The following LRRC40 variants were observed in gnomAD, a reference collection of about 807,000 sequenced individuals.
LRRC40 encodes leucine rich repeat containing 40.
Under a neutral mutation model 72.8 loss-of-function variants are expected in LRRC40, and 76 were observed. The ratio of observed to expected loss-of-function variants is 1.04; its 90% CI spans 0.87 to 1.26. The LOEUF is 1.26. LRRC40 is among the 50% of genes most tolerant of loss of function. LRRC40 has a pLI of 0.00. For missense variants in LRRC40, 684 were observed against 698.9 expected, an observed-to-expected ratio of 0.98 and a Z score of 0.24; for synonymous variants, 243 against 254.2, an observed-to-expected ratio of 0.96 and a Z score of 0.42.
In LRRC40 at chr1:70,148,132, A is replaced by G. The variant is rs541658497; in HGVS notation, c.1703+355T>C. Reference sequence around the variant, plus strand: ...AATAGAATGGTGGTAATCTGCAATCAATTTCAAAAAAAAAAAAAAAAAAAA... The same window carrying G: ...AATAGAATGGTGGTAATCTGCAATCGATTTCAAAAAAAAAAAAAAAAAAAA... On this transcript the variant is annotated intron_variant, in intron 14 of 14. Transcript: ENST00000370952. 437 of 143,606 alleles carry G rather than the reference A, an allele frequency of 3.0e-3. 4 individuals carry two copies. The highest frequency in any genetic ancestry group is 0.011 in the African/African-American group (417 of 36,872). 8.9% of individuals were successfully genotyped at this position (143,606 alleles called of 1,614,324 possible). A position where few individuals can be genotyped will look rare whatever the true frequency, so the allele number is the denominator to read the frequency against.
At chr1:70,204,405 C>T (rs1668844247) in intron 1 of LRRC40, among the ~76,000 whole-genome samples, 1 of 152,100 alleles carries the variant, frequency 6.6e-6, no homozygotes, top group South Asian at 2.1e-4. Flanking sequence ...AGAATGTTAG[C>T]ATGATAGGTA....
At chr1:70,178,280 A>G (rs1449535765) in intron 6 of LRRC40, among the ~76,000 whole-genome samples, 1 of 152,216 alleles carries the variant, frequency 6.6e-6, no homozygotes, top group East Asian at 1.9e-4. Context: ...AATAGAAACT[A>G]TAATTATCAG....
rs750563629 is a variant in LRRC40, at chr1:70,181,235, A to G, written c.538-26T>C. On this transcript the variant is annotated intron_variant, in intron 4 of 14. Coordinates refer to ENST00000370952, the MANE Select transcript of LRRC40 (RefSeq NM_017768.5). ...CTTTAAAAAGAGAAAGACAAAATAAATGAATAAACAAGTAAAAAAATAAAT... is the reference window on the plus strand; with the variant it reads ...CTTTAAAAAGAGAAAGACAAAATAAGTGAATAAACAAGTAAAAAAATAAAT... 4 of 1,381,418 alleles carry G rather than the reference A, an allele frequency of 2.9e-6. No individual in the cohort carries two copies. In the Admixed American group the frequency reaches 1.0e-4, roughly 35 times the overall value. The allele number at this position is 1,381,418 out of a possible 1,614,324, so 85.6% of individuals were successfully genotyped here.
intron 1 of LRRC40, among the ~76,000 whole-genome samples, chr1:70,190,780 C>A (rs964041226): frequency 6.6e-6 from 1 of 150,982 alleles, no homozygotes; most frequent in Non-Finnish European, 1.5e-5. Context: ...CTCCTTATGT[C>A]TGATTATGTA....
chr1:70,167,312 C>G (rs1300058048), intron 9 of LRRC40, among the ~76,000 whole-genome samples: 1 of 151,720 alleles, frequency 6.6e-6, no homozygotes, highest in Non-Finnish European at 1.5e-5. Flanking sequence ...ATAATCCCAG[C>G]ACTTTGAGAG....
Position 70,145,721 on chromosome 1 carries a change from T to C in LRRC40, c.*79A>G. The C allele has an allele frequency of 1.4e-6, 1 of 721,220 alleles. No individual in the cohort carries two copies. 44.7% of individuals were successfully genotyped at this position (721,220 alleles called of 1,614,324 possible). Reference sequence around the variant, plus strand: ...TTACAATAATCACCTTTTAAGATGATACTAAAACAAATGTTACATCCTCCT... The same window carrying C: ...TTACAATAATCACCTTTTAAGATGACACTAAAACAAATGTTACATCCTCCT... On this transcript the variant is annotated 3_prime_UTR_variant, in exon 15 of 15. Transcript: ENST00000370952.
At chr1:70,202,339 A>G (rs996368953) in intron 1 of LRRC40, among the ~76,000 whole-genome samples, 1 of 152,188 alleles carries the variant, frequency 6.6e-6, no homozygotes, top group Admixed American at 6.5e-5. Context: ...CATACAATTG[A>G]ATATTACTCA....
intron 9 of LRRC40, among the ~76,000 whole-genome samples, chr1:70,164,996 C>G (rs576872609): frequency 1.3e-5 from 2 of 152,236 alleles, no homozygotes; most frequent in South Asian, 4.1e-4. Flanking sequence ...TAATTCCACA[C>G]AATGCTACCT....
At chr1:70,191,388 G>T (rs1668497521) in intron 1 of LRRC40, among the ~76,000 whole-genome samples, 1 of 151,946 alleles carries the variant, frequency 6.6e-6, no homozygotes. Context: ...GAAAGGTGGG[G>T]ATAACAAGAA....
chr1:70,186,116 T>C (rs1558124819), intron 3 of LRRC40, among the ~76,000 whole-genome samples: 1 of 152,190 alleles, frequency 6.6e-6, no homozygotes, highest in Non-Finnish European at 1.5e-5. Flanking sequence ...CTGAAATCTT[T>C]GCACACTTGA....
chr1:70,176,690 T>C (rs1238062238), intron 6 of LRRC40, among the ~76,000 whole-genome samples: 1 of 152,128 alleles, frequency 6.6e-6, no homozygotes, highest in Admixed American at 6.5e-5. Context: ...CAACAAGTGT[T>C]TAAACTGTGA....
intron 1 of LRRC40, among the ~76,000 whole-genome samples, chr1:70,190,265 A>C (rs1668464090): frequency 6.6e-6 from 1 of 152,152 alleles, no homozygotes; most frequent in African/African-American, 2.4e-5. Context: ...GACTAAATGA[A>C]AAGGTATAGT....
At chr1:70,187,650 C>A (rs1449622218) in intron 2 of LRRC40, among the ~76,000 whole-genome samples, 2 of 149,038 alleles carry the variant, frequency 1.3e-5, no homozygotes, top group Admixed American at 6.8e-5. Flanking sequence ...ATTAGTGAGA[C>A]CTTGTCTCTA....
In LRRC40 at chr1:70,156,030, TATACTCAATGTGAATAAA is replaced by T. The variant is rs1338164257; in HGVS notation, c.1221-252_1221-235del. ...TTGTGCTACATTTTCTGGGCATTCA[TATACTCAATGTGAATAAA>T]AATAGATATTTATCTTTGGAGTCTA... On this transcript the variant is annotated intron_variant, in intron 10 of 14. Transcript: ENST00000370952. Among the ~76,000 whole-genome samples the T allele has an allele frequency of 3.3e-5, 5 of 152,098 alleles. No individual in the cohort carries two copies. In the South Asian group the frequency reaches 8.3e-4, roughly 25 times the overall value.
At chr1:70,190,133 C>A (rs1286160563) in intron 1 of LRRC40, among the ~76,000 whole-genome samples, 1 of 152,150 alleles carries the variant, frequency 6.6e-6, no homozygotes, top group Non-Finnish European at 1.5e-5. Context: ...CAATAGAGTC[C>A]TTCACTGCTC....
chr1:70,193,827 T>C (rs1668552803), intron 1 of LRRC40, among the ~76,000 whole-genome samples: 2 of 151,974 alleles, frequency 1.3e-5, no homozygotes, highest in African/African-American at 4.8e-5. Flanking sequence ...AAAGCTACCA[T>C]ATTAACAGAA....
At chr1:70,181,065 T>C (rs72678609) in intron 5 of LRRC40, 21 bp downstream of exon 5, 23,997 of 1,447,174 alleles carry the variant, frequency 0.017, 277 homozygotes, top group Non-Finnish European at 0.019. Flanking sequence ...TTATGTATTA[T>C]GTAAAACAGA....
At chr1:70,163,338 C>T (rs1051903430) in intron 9 of LRRC40, among the ~76,000 whole-genome samples, 2 of 152,138 alleles carry the variant, frequency 1.3e-5, no homozygotes, top group Non-Finnish European at 2.9e-5. Flanking sequence ...CCGCCCACCT[C>T]GGCCTCCCAA....
Position 70,151,382 on chromosome 1 carries a change from C to T in LRRC40, c.1440-177G>A, listed in dbSNP as rs184574743. On this transcript the variant is annotated intron_variant, in intron 12 of 14. Transcript: ENST00000370952. ...GAATCAGTCACCTACCGCAGTTATT[C>T]GGTTAGTATGCCAAATCCTAATAAT... Among the ~76,000 whole-genome samples the T allele has an allele frequency of 2.4e-4, 37 of 152,222 alleles. No individual in the cohort carries two copies. The East Asian group carries it at 5.2e-3, about 21-fold the overall frequency.
Sources: allele counts gnomAD v4.1 joint callset (sites outside exome capture counted in the v4.1 genomes callset), GRCh38; gene constraint gnomAD v4.1.1; transcripts MANE v1.5; gene names NCBI Gene and HGNC (gene_info 2026-07-23, HGNC 2026-07-21).